TRAPPC10: variants seen among roughly 807,000 people sequenced by gnomAD.
TRAPPC10 encodes the protein TRAPP 130 kDa subunit.
A neutral mutation model predicts 125.5 loss-of-function variants in TRAPPC10; 23 were observed. The ratio of observed to expected loss-of-function variants is 0.18; its 90% CI spans 0.13 to 0.26. The LOEUF is 0.26. TRAPPC10 is among the 10% of genes least tolerant of loss of function. TRAPPC10 has a pLI of 1.00. For synonymous variants in TRAPPC10, 509 were observed against 518.0 expected (o/e 0.98, Z 0.24); for missense variants, 1,123 against 1,308.4 (o/e 0.86, Z 2.19).
At chr21:44,049,659 TC>T (rs957343555) in intron 3 of TRAPPC10, among the ~76,000 whole-genome samples, 1 of 152,232 alleles carries the variant, frequency 6.6e-6, no homozygotes, top group Admixed American at 6.5e-5. Flanking sequence ...GTTCTGTACT[TC>T]CCTCTACTGC....
In TRAPPC10 at chr21:44,012,411, A is replaced by T; in HGVS notation, c.-83A>T. ...CGCGGCCGGGCGGGCGGCGCCGCTC[A>T]GGCTCGGGCTCCGGCTGGGCCCGGC... On this transcript the variant is annotated 5_prime_UTR_variant, in exon 1 of 23. Coordinates refer to ENST00000291574, the MANE Select transcript of TRAPPC10 (RefSeq NM_003274.5). 1.1e-6 allele frequency: 1 copy of T among 875,028 alleles called. No individual in the cohort carries two copies. The allele number at this position is 875,028 out of a possible 1,614,324, so 54.2% of individuals were successfully genotyped here.
chr21:44,051,145 C>T (rs1360447142), intron 3 of TRAPPC10, among the ~76,000 whole-genome samples: 1 of 152,194 alleles, frequency 6.6e-6, no homozygotes. Context: ...CTCAGGCAAT[C>T]CACCCACCTT....
Position 44,076,650 on chromosome 21 carries a change from ATGTC to A in TRAPPC10, c.1377+26_1377+29del, listed in dbSNP as rs771632616. ...CTTAGTAAGTATTAACAAGTGTTCAATGTCTGTTCTGTGAATACCTGTCTCTAGA... is the reference window on the plus strand; with the variant it reads ...CTTAGTAAGTATTAACAAGTGTTCAATGTTCTGTGAATACCTGTCTCTAGA... On this transcript the variant is annotated intron_variant, in intron 10 of 22. Coordinates refer to ENST00000291574, the MANE Select transcript of TRAPPC10 (RefSeq NM_003274.5). 3 of 1,573,538 alleles carry A rather than the reference ATGTC, an allele frequency of 1.9e-6. No individual in the cohort carries two copies. In the South Asian group the frequency reaches 3.3e-5, roughly 17 times the overall value.
At chr21:44,032,773 T>A (rs2033691937) in intron 2 of TRAPPC10, among the ~76,000 whole-genome samples, 1 of 152,240 alleles carries the variant, frequency 6.6e-6, no homozygotes, top group South Asian at 2.1e-4. Flanking sequence ...GATCTGTGAT[T>A]CTTCATGGTT....
chr21:44,014,171 T>A lies in TRAPPC10; in HGVS notation c.67+1611T>A, dbSNP rs550578898. On this transcript the variant is annotated intron_variant, in intron 1 of 22. Transcript: ENST00000291574. The stretch of plus-strand genomic sequence containing the variant: ...TTTATAGGCATTATGTAAATACATT[T>A]CTGAGGAGAAAGTTCCTAAGCTCTA... Among the ~76,000 whole-genome samples, 3 of 152,374 alleles carry A rather than the reference T, an allele frequency of 2.0e-5. No individual in the cohort carries two copies. The East Asian group carries it at 5.8e-4, about 29-fold the overall frequency.
chr21:44,046,645 GGGATTATAGGCAGCCA>G (rs1199355732), intron 3 of TRAPPC10: 3 of 226,094 alleles, frequency 1.3e-5, no homozygotes, highest in Non-Finnish European at 2.6e-5. Flanking sequence ...CCGAGTAGCT[GGGATTATAGGCAGCCA>G]CCACGCCCGG....
chr21:44,027,669 A>G (rs1484285165), intron 1 of TRAPPC10, among the ~76,000 whole-genome samples: 1 of 152,184 alleles, frequency 6.6e-6, no homozygotes, highest in Non-Finnish European at 1.5e-5. Context: ...TGCCGGGGGC[A>G]TAGCAGGCGC....
chr21:44,037,847 A>C lies in TRAPPC10; in HGVS notation c.205A>C (p.Lys69Gln). 6.2e-7 allele frequency: 1 copy of C among 1,614,190 alleles called. No individual in the cohort carries two copies. The highest frequency in any genetic ancestry group is 8.5e-7 in the Non-Finnish European group (1 of 1,180,036). The change falls in exon 3 of 23, where the codon AAA becomes CAA. Residue 69 changes from lysine (K) to glutamine (Q), a missense_variant. By Grantham distance (53) the Lys-to-Gln change is moderately conservative. Around this residue, in one of 4 missense-constraint regions of TRAPPC10, gnomAD observed 177 missense variants for 228.9 expected, o/e 0.77. Coordinates refer to ENST00000291574, the MANE Select transcript of TRAPPC10 (RefSeq NM_003274.5). ...CCTAGAGTCTAACTTTGTTCAATTC[A>C]AAGAGGAGCTGCTGCCCAAAGAAGG... ...IHLESNFVQF[K>Q]EELLPKEGNK...
In TRAPPC10 at chr21:44,092,034, C is replaced by T. The variant is rs760084443; in HGVS notation, c.2982C>T (p.Asn994=). 2 of 1,614,130 alleles carry T rather than the reference C, an allele frequency of 1.2e-6. No homozygotes were observed. Among genetic ancestry groups the T allele is most frequent in the Non-Finnish European group, 1.7e-6 (2 of 1,179,992 alleles). ...DSTDLQLVPL[N]TQSQQPIYSK... ...CCGACCTGCAACTAGTACCACTGAA[C>T]ACGCAGTCCCAGCAGGTAAACATTG... The change falls in exon 19 of 23, where the codon AAC becomes AAT. Residue 994 remains asparagine, a synonymous_variant. Coordinates refer to ENST00000291574, the MANE Select transcript of TRAPPC10 (RefSeq NM_003274.5).
intron 3 of TRAPPC10, among the ~76,000 whole-genome samples, chr21:44,041,723 TTTA>T (rs1277220284): frequency 2.0e-5 from 3 of 151,992 alleles, no homozygotes; most frequent in East Asian, 1.9e-4. Context: ...TCATTATTTA[TTTA>T]TTATTATTAT....
At chr21:44,027,347 C>A (rs1443489179) in intron 1 of TRAPPC10, among the ~76,000 whole-genome samples, 1 of 152,174 alleles carries the variant, frequency 6.6e-6, no homozygotes, top group Non-Finnish European at 1.5e-5. Context: ...ATGAGTAAGA[C>A]CATCACGGCT....
chr21:44,093,830 A>T (rs565248185), intron 19 of TRAPPC10, among the ~76,000 whole-genome samples: 4 of 152,364 alleles, frequency 2.6e-5, no homozygotes, highest in African/African-American at 7.2e-5. Context: ...ATAAAAAGTT[A>T]AAGATTTACC....
chr21:44,014,388 T>TC (rs2031557704), intron 1 of TRAPPC10, among the ~76,000 whole-genome samples: 1 of 151,696 alleles, frequency 6.6e-6, no homozygotes. Flanking sequence ...AGTGAATTTT[T>TC]TTTTTTCCTT....
intron 19 of TRAPPC10, among the ~76,000 whole-genome samples, chr21:44,092,351 A>C (rs1214855777): frequency 1.3e-5 from 2 of 152,246 alleles, no homozygotes; most frequent in Non-Finnish European, 2.9e-5. Flanking sequence ...TTGCATGGGC[A>C]CTGCTCCACT....
At chr21:44,080,264 T>C in intron 13 of TRAPPC10, 137 bp downstream of exon 13, 2 of 725,118 alleles carry the variant, frequency 2.8e-6, no homozygotes, top group Non-Finnish European at 4.5e-6. Flanking sequence ...TCTATGTCTT[T>C]CACCTGACTT....
chr21:44,020,574 C>G lies in TRAPPC10; in HGVS notation c.67+8014C>G, dbSNP rs527919436. Among the ~76,000 whole-genome samples the G allele has an allele frequency of 2.0e-5, 3 of 151,922 alleles. No homozygotes were observed. The East Asian group carries it at 5.8e-4, about 29-fold the overall frequency. ...GCTTGAGCCCAGGAATTTGAGGCTG[C>G]GGTGAGCCATGTTTGTGCCACTTCA... On this transcript the variant is annotated intron_variant, in intron 1 of 22. Transcript: ENST00000291574.
chr21:44,049,245 C>G (rs1360453775), intron 3 of TRAPPC10, among the ~76,000 whole-genome samples: 2 of 152,216 alleles, frequency 1.3e-5, no homozygotes, highest in Non-Finnish European at 2.9e-5. Context: ...CATACATGTA[C>G]ACACGAGCCC....
intron 1 of TRAPPC10, among the ~76,000 whole-genome samples, chr21:44,031,059 G>A (rs895155029): frequency 6.6e-6 from 1 of 152,112 alleles, no homozygotes; most frequent in African/African-American, 2.4e-5. Flanking sequence ...GATGGGGACC[G>A]GGCAGTGAGG....
Position 44,074,916 on chromosome 21 carries a change from A to G in TRAPPC10, c.1186-123A>G, listed in dbSNP as rs1343044330. On this transcript the variant is annotated intron_variant, in intron 8 of 22. Transcript: ENST00000291574. ...GTATTTTTGTATCCAGATTTGAGTC[A>G]TTGGGTAGGAAAGCTAAATTTCTTC... The G allele has an allele frequency of 5.8e-5, 42 of 721,520 alleles. 1 individual carries two copies. Among genetic ancestry groups the G allele is most frequent in the Non-Finnish European group, 8.9e-5 (39 of 435,766 alleles). 44.7% of individuals were successfully genotyped at this position (721,520 alleles called of 1,614,324 possible). A position where few individuals can be genotyped will look rare whatever the true frequency, so the allele number is the denominator to read the frequency against.
Sources: gnomAD v4.1 joint callset for allele counts (sites outside exome capture counted in the v4.1 genomes callset) on GRCh38, gnomAD v4.1.1 for gene constraint, gnomAD v4.1.1 regional missense constraint, MANE v1.5 for transcripts, NCBI Gene and HGNC (gene_info 2026-07-23, HGNC 2026-07-21) for gene names.